Variants in SPMAP2L observed in about 807,000 individuals in gnomAD.
SPMAP2L encodes the protein sperm microtubule associated protein 2 like.
At chr4:56,621,176 CT>C in the SPMAP2L span, among the ~76,000 whole-genome samples, 4 of 150,628 alleles carry the variant, frequency 2.7e-5, no homozygotes, top group Non-Finnish European at 5.9e-5. Context: ...ATTTAGGAGA[CT>C]GCCTATTAAT....
the SPMAP2L span, among the ~76,000 whole-genome samples, chr4:56,625,793 C>T: frequency 1.3e-5 from 2 of 152,160 alleles, no homozygotes; most frequent in Admixed American, 6.5e-5. Context: ...AGCATGAAAA[C>T]GGACTAATAC....
chr4:56,603,912 T>G, the SPMAP2L span, among the ~76,000 whole-genome samples: 30,216 of 152,210 alleles, frequency 0.2, 3,533 homozygotes, highest in East Asian at 0.41. Context: ...GTTCCTTTAC[T>G]CATGCCAGAG....
chr4:56,594,592 C>T, the SPMAP2L span: 19 of 1,577,426 alleles, frequency 1.2e-5, no homozygotes, highest in Admixed American at 5.0e-5. Context: ...CGGTTTGCCT[C>T]ATTCTGAAAT....
the SPMAP2L span, among the ~76,000 whole-genome samples, chr4:56,553,180 C>CTT: frequency 2.7e-4 from 8 of 30,012 alleles, no homozygotes; most frequent in Admixed American, 6.0e-4. Flanking sequence ...TCTCCTATTG[C>CTT]TTTTTTTTTT....
chr4:56,538,990 C>G, the SPMAP2L span, among the ~76,000 whole-genome samples: 2 of 152,050 alleles, frequency 1.3e-5, no homozygotes, highest in Non-Finnish European at 2.9e-5. Flanking sequence ...TTAGCACATC[C>G]CCGTGCCTCT....
the SPMAP2L span, among the ~76,000 whole-genome samples, chr4:56,531,391 T>C: frequency 6.6e-6 from 1 of 152,192 alleles, no homozygotes; most frequent in Non-Finnish European, 1.5e-5. Context: ...ACCCTGATAA[T>C]GAGAGAAGCT....
chr4:56,618,146 C>T, the SPMAP2L span, among the ~76,000 whole-genome samples: 6 of 152,244 alleles, frequency 3.9e-5, no homozygotes, highest in East Asian at 1.2e-3. Flanking sequence ...GAGCCCTGGC[C>T]AGTGATCACA....
At chr4:56,609,645 T>G in the SPMAP2L span, among the ~76,000 whole-genome samples, 1 of 152,188 alleles carries the variant, frequency 6.6e-6, no homozygotes, top group Non-Finnish European at 1.5e-5. Context: ...TGCAACAGTA[T>G]TAAGAGGTGG....
the SPMAP2L span, among the ~76,000 whole-genome samples, chr4:56,551,722 C>T: frequency 3.9e-5 from 6 of 152,108 alleles, no homozygotes; most frequent in East Asian, 1.9e-4. Flanking sequence ...TATTAGTCTG[C>T]ATAGGATAGA....
chr4:56,598,921 A>C, the SPMAP2L span, among the ~76,000 whole-genome samples: 1 of 152,016 alleles, frequency 6.6e-6, no homozygotes, highest in East Asian at 1.9e-4. Context: ...AGTTCTCATG[A>C]GATCTGATGG....
chr4:56,559,564 T>C, the SPMAP2L span: 2 of 1,435,542 alleles, frequency 1.4e-6, no homozygotes, highest in African/African-American at 1.5e-5. Flanking sequence ...AGGAGGTTTT[T>C]TGTTGTTGTT....
At chr4:56,535,836 G>A in the SPMAP2L span, among the ~76,000 whole-genome samples, 2 of 152,154 alleles carry the variant, frequency 1.3e-5, no homozygotes, top group Non-Finnish European at 2.9e-5. Flanking sequence ...ACCTCAGGCA[G>A]GGTTCTCACC....
the SPMAP2L span, among the ~76,000 whole-genome samples, chr4:56,555,972 T>G: frequency 6.6e-6 from 1 of 152,172 alleles, no homozygotes; most frequent in Non-Finnish European, 1.5e-5. Context: ...TTATTAGAAC[T>G]GTCAAAATCT....
chr4:56,620,221 G>A, the SPMAP2L span, among the ~76,000 whole-genome samples: 1 of 152,330 alleles, frequency 6.6e-6, no homozygotes, highest in Admixed American at 6.5e-5. Flanking sequence ...TGCACAGCCA[G>A]AATGAAACCT....
chr4:56,548,840 G>A, the SPMAP2L span: 16 of 1,459,650 alleles, frequency 1.1e-5, no homozygotes, highest in Admixed American at 2.4e-5. Context: ...CATAGTTATA[G>A]TACTATTTTC....
the SPMAP2L span, chr4:56,593,273 C>T: frequency 1.2e-4 from 143 of 1,198,402 alleles, no homozygotes; most frequent in Admixed American, 3.7e-4. Context: ...GCTGCAGAGG[C>T]GCTGCAGCTG....
the SPMAP2L span, chr4:56,593,016 T>C: frequency 1.3e-6 from 2 of 1,599,054 alleles, no homozygotes; most frequent in Non-Finnish European, 1.7e-6. Flanking sequence ...CTTGCAACTC[T>C]GCATGCCATT....
chr4:56,537,778 C>T, the SPMAP2L span, among the ~76,000 whole-genome samples: 2 of 151,990 alleles, frequency 1.3e-5, no homozygotes, highest in African/African-American at 2.4e-5. Context: ...CTACAAGCTC[C>T]ACCTCCCGGG....
chr4:56,537,854 G>T, the SPMAP2L span, among the ~76,000 whole-genome samples: 118 of 150,468 alleles, frequency 7.8e-4, 1 homozygote, highest in South Asian at 9.1e-3. Flanking sequence ...CACCACGCCC[G>T]GCTAATTTTT....
Sources: allele counts gnomAD v4.1 joint callset (sites outside exome capture counted in the v4.1 genomes callset), GRCh38; gene constraint gnomAD v4.1.1; transcripts MANE v1.5; gene names NCBI Gene and HGNC (gene_info 2026-07-23, HGNC 2026-07-21).